The following CCDC141 variants were observed in gnomAD, a reference collection of about 807,000 sequenced individuals.
The protein encoded by CCDC141 is coiled-coil domain containing 141.
Under a neutral mutation model 181.0 loss-of-function variants are expected in CCDC141, and 168 were observed. The ratio of observed to expected loss-of-function variants is 0.93; its 90% CI spans 0.82 to 1.05. The LOEUF (loss-of-function observed/expected upper bound fraction) is 1.05. Among genes scored for constraint, CCDC141 ranks in the 50% least tolerant of loss-of-function variants. The pLI, the probability that CCDC141 is intolerant of heterozygous loss-of-function variation, is 0.00. For missense variants in CCDC141, 1,902 were observed against 1,788.5 expected, an observed-to-expected ratio of 1.06 and a Z score of -1.14; for synonymous variants, 666 against 642.3, an observed-to-expected ratio of 1.04 and a Z score of -0.56.
rs1260712809 is a variant in CCDC141 at position 178,830,321 on chromosome 2, A to G, written c.*3852T>C. 2.0e-5 allele frequency: 3 copies of G among 152,154 alleles called. No homozygotes were observed. The highest frequency in any genetic ancestry group is 2.9e-5 in the Non-Finnish European group (2 of 68,028). The allele number at this position is 152,154 out of a possible 1,614,324, so 9.4% of individuals were successfully genotyped here. A position where few individuals can be genotyped will look rare whatever the true frequency, so the allele number is the denominator to read the frequency against. On this transcript the variant is annotated 3_prime_UTR_variant, in exon 24 of 24. Coordinates refer to ENST00000443758, the MANE Select transcript of CCDC141 (RefSeq NM_173648.4). Reference sequence around the variant, plus strand: ...ATCTATTTTTAAATTCAAATTTTCAATCAGGGTCTAGCCCAGAGGGTCTGG... The same window carrying G: ...ATCTATTTTTAAATTCAAATTTTCAGTCAGGGTCTAGCCCAGAGGGTCTGG...
At chr2:179,018,475 C>A (rs1270056775) in intron 2 of CCDC141, among the ~76,000 whole-genome samples, 3 of 152,082 alleles carry the variant, frequency 2.0e-5, no homozygotes, top group Admixed American at 2.0e-4. Flanking sequence ...ATTATTTTTT[C>A]AGTCTCTTTC....
intron 2 of CCDC141, among the ~76,000 whole-genome samples, chr2:179,023,998 G>A (rs78697663): frequency 0.01 from 1,560 of 152,284 alleles, 26 homozygotes; most frequent in African/African-American, 0.035. Flanking sequence ...TGAGAAACTC[G>A]GAGGAAACAC....
chr2:179,019,458 C>T (rs1575355341), intron 2 of CCDC141, among the ~76,000 whole-genome samples: 1 of 152,238 alleles, frequency 6.6e-6, no homozygotes, highest in Non-Finnish European at 1.5e-5. Context: ...ACTTACTGCA[C>T]ATCACTTCTT....
At chr2:178,846,872 A>G (rs1267661308) in intron 21 of CCDC141, among the ~76,000 whole-genome samples, 1 of 152,186 alleles carries the variant, frequency 6.6e-6, no homozygotes. Flanking sequence ...TCAAATTGCT[A>G]TACATTAGAA....
In CCDC141 at chr2:178,979,829, A is replaced by G. The variant is rs867571314; in HGVS notation, c.226-1154T>C. ...GTAGATATAACCAGTCTTACATCAA[A>G]CAAATAGATAACAAGAACTACAATT... On this transcript the variant is annotated intron_variant, in intron 2 of 23. Coordinates refer to ENST00000443758, the MANE Select transcript of CCDC141 (RefSeq NM_173648.4). Among the ~76,000 whole-genome samples, 5 of 152,328 alleles carry G rather than the reference A, an allele frequency of 3.3e-5. No homozygotes were observed. The Middle Eastern group carries it at 0.01, about 311-fold the overall frequency.
intron 8 of CCDC141, among the ~76,000 whole-genome samples, chr2:178,902,471 T>C (rs1199417812): frequency 6.6e-6 from 1 of 152,170 alleles, no homozygotes; most frequent in African/African-American, 2.4e-5. Flanking sequence ...AACTATCTGA[T>C]CTTTGACAAA....
At chr2:179,026,329 C>T (rs1176607804) in intron 2 of CCDC141, among the ~76,000 whole-genome samples, 1 of 152,214 alleles carries the variant, frequency 6.6e-6, no homozygotes, top group East Asian at 1.9e-4. Flanking sequence ...GCATCCCAAC[C>T]ACTCTAGCCA....
rs34625707 is a variant in CCDC141, at chr2:178,870,231, C to CAAAAAAAAAAAAAAAAAAAAA, written c.2206-947_2206-927dup. 1.2e-3 allele frequency among the ~76,000 whole-genome samples: 72 copies of CAAAAAAAAAAAAAAAAAAAAA among 60,288 alleles called. 3 individuals carry two copies. The highest frequency in any genetic ancestry group is 1.8e-3 in the Non-Finnish European group (57 of 31,628). The allele number at this position is 60,288 out of a possible 152,430, so 39.6% of individuals were successfully genotyped here. A position where few individuals can be genotyped will look rare whatever the true frequency, so the allele number is the denominator to read the frequency against. ...TGGGCAACAGAGTAAGACTCTGTCT[C>CAAAAAAAAAAAAAAAAAAAAA]AAAAAAAAAAAAAAAAAAAAAAAGA... is the stretch of plus-strand genomic sequence containing the variant. On this transcript the variant is annotated intron_variant, in intron 14 of 23. Transcript: ENST00000443758.
intron 11 of CCDC141, among the ~76,000 whole-genome samples, chr2:178,879,650 C>T (rs1364388987): frequency 6.6e-6 from 1 of 152,112 alleles, no homozygotes; most frequent in African/African-American, 2.4e-5. Context: ...CAAATTATTA[C>T]AACACAAAGA....
At chr2:178,851,296 C>T (rs955218890) in intron 20 of CCDC141, among the ~76,000 whole-genome samples, 1 of 152,072 alleles carries the variant, frequency 6.6e-6, no homozygotes. Context: ...TGACTCTACA[C>T]CCTAGGCCAA....
intron 21 of CCDC141, among the ~76,000 whole-genome samples, chr2:178,848,710 C>T (rs1324683973): frequency 5.3e-5 from 8 of 151,916 alleles, no homozygotes; most frequent in Non-Finnish European, 7.4e-5. Context: ...AGCAAAGAGT[C>T]GGAGGAAGCA....
chr2:178,987,244 C>G (rs2154381893), intron 2 of CCDC141, among the ~76,000 whole-genome samples: 1 of 151,402 alleles, frequency 6.6e-6, no homozygotes, highest in South Asian at 2.1e-4. Flanking sequence ...ATAAATGGTG[C>G]TGGGAAAACT....
chr2:178,890,995 C>T (rs565461868), intron 8 of CCDC141, among the ~76,000 whole-genome samples: 1 of 152,188 alleles, frequency 6.6e-6, no homozygotes, highest in Admixed American at 6.5e-5. Flanking sequence ...TGAAACTGAG[C>T]CTTCACAGGT....
intron 12 of CCDC141, chr2:178,873,606 G>A (rs1686218741): frequency 6.6e-6 from 1 of 152,164 alleles, no homozygotes; most frequent in African/African-American, 2.4e-5. Flanking sequence ...TCTAGAGAAA[G>A]GAGAGCTAAA....
intron 22 of CCDC141, among the ~76,000 whole-genome samples, chr2:178,839,634 C>A (rs1684643398): frequency 1.5e-5 from 2 of 131,046 alleles, no homozygotes; most frequent in South Asian, 2.8e-4. Context: ...AGAGTCGAAG[C>A]AAAGCAATGT....
chr2:178,994,927 TC>T (rs1486495219), intron 2 of CCDC141, among the ~76,000 whole-genome samples: 1 of 152,214 alleles, frequency 6.6e-6, no homozygotes, highest in African/African-American at 2.4e-5. Flanking sequence ...GTTCCTCATT[TC>T]CATCTGAGAC....
intron 21 of CCDC141, among the ~76,000 whole-genome samples, chr2:178,848,188 C>T (rs776122111): frequency 1.3e-5 from 2 of 152,110 alleles, no homozygotes; most frequent in Non-Finnish European, 2.9e-5. Flanking sequence ...AAAACAGAGA[C>T]AGAAGGTCGT....
chr2:178,961,125 A>G, intron 5 of CCDC141, 105 bp downstream of exon 5: 1 of 1,302,584 alleles, frequency 7.7e-7, no homozygotes, highest in African/African-American at 1.5e-5. Context: ...CCAAAGACCA[A>G]AAGATTTGAC....
chr2:179,039,824 A>G (rs974313567), intron 2 of CCDC141, among the ~76,000 whole-genome samples: 18 of 152,210 alleles, frequency 1.2e-4, no homozygotes, highest in African/African-American at 3.4e-4. Flanking sequence ...TTGACAGCAT[A>G]TTAGCTAGTA....
Sources: allele counts gnomAD v4.1 joint callset (sites outside exome capture counted in the v4.1 genomes callset), GRCh38; gene constraint gnomAD v4.1.1; transcripts MANE v1.5; gene names NCBI Gene and HGNC (gene_info 2026-07-23, HGNC 2026-07-21).